CCSER1: variants seen among roughly 807,000 people sequenced by gnomAD.
The protein encoded by CCSER1 is coiled-coil serine rich protein 1.
In CCSER1, 41 loss-of-function variants were observed where a neutral mutation model predicts 82.0. That is an observed-to-expected ratio of 0.50 (90% confidence interval 0.39 to 0.65). CCSER1 has a LOEUF of 0.65. Among genes scored for constraint, CCSER1 ranks in the 30% least tolerant of loss-of-function variants. CCSER1 has a pLI of 0.00. For missense variants in CCSER1, 1,119 were observed against 1,064.2 expected (o/e 1.05, Z -0.72); for synonymous variants, 414 against 383.9 (o/e 1.08, Z -0.92).
intron 10 of CCSER1, chr4:91,324,991 G>A (rs1253354963): frequency 2.9e-6 from 1 of 341,982 alleles, no homozygotes; most frequent in Non-Finnish European, 5.7e-6. Flanking sequence ...GGATCATGAA[G>A]GCAGATTTCC....
At chr4:90,339,902 T>A (rs554535653) in intron 3 of CCSER1, among the ~76,000 whole-genome samples, 3 of 150,074 alleles carry the variant, frequency 2.0e-5, no homozygotes, top group Non-Finnish European at 4.4e-5. Context: ...ATGTACTATT[T>A]TATATATATA....
intron 1 of CCSER1, among the ~76,000 whole-genome samples, chr4:90,172,582 T>G (rs1228134296): frequency 6.6e-6 from 1 of 151,880 alleles, no homozygotes; most frequent in Non-Finnish European, 1.5e-5. Context: ...ATTAATTTCA[T>G]TTTATTATGC....
intron 9 of CCSER1, among the ~76,000 whole-genome samples, chr4:90,989,169 T>C (rs1239034738): frequency 2.0e-5 from 3 of 151,768 alleles, no homozygotes; most frequent in Admixed American, 6.6e-5. Flanking sequence ...AAGAGACATT[T>C]CCCTTTGGCT....
chr4:90,815,652 G>C (rs547837588), intron 7 of CCSER1, 110 bp from the exon 8 acceptor site: 39 of 663,666 alleles, frequency 5.9e-5, no homozygotes, highest in Non-Finnish European at 9.2e-5. Context: ...GGGAATTTGA[G>C]TTTCGTTAGT....
At chr4:91,377,123 T>C (rs1157113061) in intron 10 of CCSER1, among the ~76,000 whole-genome samples, 1 of 152,146 alleles carries the variant, frequency 6.6e-6, no homozygotes, top group Non-Finnish European at 1.5e-5. Flanking sequence ...TATATATGTG[T>C]CACATTTTCT....
chr4:91,199,455 G>C (rs1356418732), intron 10 of CCSER1, among the ~76,000 whole-genome samples: 1 of 152,100 alleles, frequency 6.6e-6, no homozygotes, highest in African/African-American at 2.4e-5. Flanking sequence ...CTTAGAATAA[G>C]CAGTTAGCAC....
At chr4:91,149,960 A>G (rs989396099) in intron 10 of CCSER1, among the ~76,000 whole-genome samples, 3 of 152,210 alleles carry the variant, frequency 2.0e-5, no homozygotes, top group Admixed American at 6.5e-5. Flanking sequence ...TTGGCAATGC[A>G]GGCTTTTTTT....
chr4:91,087,342 G>A (rs1723489855), intron 10 of CCSER1, among the ~76,000 whole-genome samples: 1 of 152,042 alleles, frequency 6.6e-6, no homozygotes, highest in East Asian at 1.9e-4. Context: ...TTGCTAAATG[G>A]TGCCAAATTC....
intron 9 of CCSER1, among the ~76,000 whole-genome samples, chr4:91,067,518 T>C (rs1448114499): frequency 6.6e-6 from 1 of 151,982 alleles, no homozygotes; most frequent in Non-Finnish European, 1.5e-5. Flanking sequence ...GGTAATTTTT[T>C]ATTTTTTGCA....
chr4:91,382,196 T>C lies in CCSER1; in HGVS notation c.2218-216376T>C, dbSNP rs543731293. 1.7e-4 allele frequency among the ~76,000 whole-genome samples: 26 copies of C among 152,174 alleles called. No individual in the cohort carries two copies. In the East Asian group the frequency reaches 5.0e-3, roughly 30 times the overall value. ...GGGGTTCCTCCCAGTTAGGCCATGC[T>C]GGGAGAACCACTACTCTCTTCACAG... is the stretch of plus-strand genomic sequence containing the variant. On this transcript the variant is annotated intron_variant, in intron 10 of 10. Transcript: ENST00000509176.
intron 9 of CCSER1, among the ~76,000 whole-genome samples, chr4:91,051,353 AT>A (rs67154626): frequency 0.012 from 1,786 of 152,292 alleles, 18 homozygotes; most frequent in South Asian, 0.021. Flanking sequence ...TAGCCATTAA[AT>A]TTAACAGAAT....
intron 1 of CCSER1, among the ~76,000 whole-genome samples, chr4:90,210,197 G>A (rs923271447): frequency 6.6e-6 from 1 of 152,070 alleles, no homozygotes; most frequent in African/African-American, 2.4e-5. Context: ...TTCCTTCTTT[G>A]ACCTGTATCA....
At chr4:91,094,885 G>T (rs1260877412) in intron 10 of CCSER1, among the ~76,000 whole-genome samples, 1 of 152,128 alleles carries the variant, frequency 6.6e-6, no homozygotes, top group Non-Finnish European at 1.5e-5. Context: ...TAAAGGAAAT[G>T]GTGTCTCTCA....
chr4:91,571,011 C>T (rs1402255002), intron 10 of CCSER1, among the ~76,000 whole-genome samples: 2 of 152,118 alleles, frequency 1.3e-5, no homozygotes, highest in Non-Finnish European at 2.9e-5. Context: ...ATCTCTAGGG[C>T]AGGGGCAAAA....
intron 3 of CCSER1, among the ~76,000 whole-genome samples, chr4:90,397,940 T>A (rs995461684): frequency 1.3e-5 from 2 of 152,238 alleles, no homozygotes; most frequent in Non-Finnish European, 2.9e-5. Flanking sequence ...TAAGTCTTGT[T>A]GGTTGTATTG....
At chr4:91,467,475 G>A (rs1430332559) in intron 10 of CCSER1, among the ~76,000 whole-genome samples, 1 of 152,196 alleles carries the variant, frequency 6.6e-6, no homozygotes, top group East Asian at 1.9e-4. Flanking sequence ...CAAAAGCAAT[G>A]GCAACAAATG....
At chr4:91,438,917 G>A (rs1754894087) in intron 10 of CCSER1, among the ~76,000 whole-genome samples, 1 of 152,060 alleles carries the variant, frequency 6.6e-6, no homozygotes, top group Non-Finnish European at 1.5e-5. Context: ...GAAGCAAGAA[G>A]GGAAGTTTAG....
chr4:91,577,391 C>T (rs73836230), intron 10 of CCSER1, among the ~76,000 whole-genome samples: 10,416 of 151,886 alleles, frequency 0.069, 386 homozygotes, highest in Middle Eastern at 0.099. Flanking sequence ...CTAAATCACA[C>T]TAAAATTACA....
At chr4:90,597,064 A>C (rs1783426505) in intron 5 of CCSER1, among the ~76,000 whole-genome samples, 1 of 152,014 alleles carries the variant, frequency 6.6e-6, no homozygotes, top group Non-Finnish European at 1.5e-5. Context: ...TACAATTTCA[A>C]AAAGGCATTT....
Sources: allele counts gnomAD v4.1 joint callset (sites outside exome capture counted in the v4.1 genomes callset), GRCh38; gene constraint gnomAD v4.1.1; transcripts MANE v1.5; gene names NCBI Gene and HGNC (gene_info 2026-07-23, HGNC 2026-07-21).